N4BP2: variants seen among roughly 807,000 people sequenced by gnomAD.
N4BP2 encodes the protein NEDD4 binding protein 2.
In N4BP2, 91 loss-of-function variants were observed where a neutral mutation model predicts 152.8. That is an observed-to-expected ratio of 0.60 (90% CI 0.50 to 0.71). The LOEUF (loss-of-function observed/expected upper bound fraction) is 0.71, where lower values mean the gene tolerates loss of function less well. Among genes scored for constraint, N4BP2 ranks in the 30% least tolerant of loss-of-function variants. The pLI is 0.00. For missense variants in N4BP2, 1,923 were observed against 2,059.1 expected, an observed-to-expected ratio of 0.93 and a Z score of 1.28; for synonymous variants, 646 against 705.3, an observed-to-expected ratio of 0.92 and a Z score of 1.33.
intron 5 of N4BP2, among the ~76,000 whole-genome samples, chr4:40,111,881 G>T (rs1277085470): frequency 6.6e-6 from 1 of 152,222 alleles, no homozygotes; most frequent in Non-Finnish European, 1.5e-5. Context: ...TTCCCAAAGT[G>T]CTGGGATTAT....
the N4BP2 span, among the ~76,000 whole-genome samples, chr4:40,181,244 C>T: frequency 6.6e-6 from 1 of 152,204 alleles, no homozygotes; most frequent in Admixed American, 6.5e-5. Flanking sequence ...CACCATATTG[C>T]TAACCCACTG....
chr4:40,068,402 C>T (rs1239787719), intron 1 of N4BP2, among the ~76,000 whole-genome samples: 1 of 152,182 alleles, frequency 6.6e-6, no homozygotes, highest in African/African-American at 2.4e-5. Context: ...AATCCGATGT[C>T]ATGAAGCTTT....
chr4:40,066,181 A>C (rs994845470), intron 1 of N4BP2, among the ~76,000 whole-genome samples: 1 of 151,920 alleles, frequency 6.6e-6, no homozygotes, highest in Non-Finnish European at 1.5e-5. Context: ...CACCTGCCTC[A>C]GCCTCCCAGT....
chr4:40,090,897 C>A lies in N4BP2; in HGVS notation c.-114-6330C>A, dbSNP rs376323905. On this transcript the variant is annotated intron_variant, in intron 2 of 17. Transcript: ENST00000261435. Reference sequence around the variant, plus strand: ...GCAGTGAGCCAAGATCACGCCATTGCACTCCAGCCTGGGTGACAGAGCGAG... The same window carrying A: ...GCAGTGAGCCAAGATCACGCCATTGAACTCCAGCCTGGGTGACAGAGCGAG... 1.7e-3 allele frequency among the ~76,000 whole-genome samples: 244 copies of A among 143,100 alleles called. 1 individual carries two copies. Among genetic ancestry groups the A allele is most frequent in the African/African-American group, 6.1e-3 (229 of 37,790 alleles). 93.9% of individuals were successfully genotyped at this position (143,100 alleles called of 152,430 possible). A position where few individuals can be genotyped will look rare whatever the true frequency, so the allele number is the denominator to read the frequency against.
At chr4:40,141,414 G>A (rs1424833954) in intron 14 of N4BP2, among the ~76,000 whole-genome samples, 2 of 151,778 alleles carry the variant, frequency 1.3e-5, no homozygotes, top group African/African-American at 2.4e-5. Context: ...AGACGGGGTC[G>A]CGGCCGGGTA....
chr4:40,120,382 A>G lies in N4BP2; in HGVS notation c.2271A>G (p.Glu757=), dbSNP rs146598670. 29 of 1,613,854 alleles carry G rather than the reference A, an allele frequency of 1.8e-5. No individual in the cohort carries two copies. The African/African-American group carries it at 3.5e-4, about 19-fold the overall frequency. ...AATCCTCACCTGGTGAAATAGTGGA[A>G]GAAAGAGCAACAGTAACGAAAAAAG... The part of the protein sequence containing the change: ...NEKSSPGEIV[E]ERATVTKKAF... Residue 757 remains glutamate (E), a synonymous_variant, in exon 9 of 18, where the codon GAA becomes GAG. Transcript: ENST00000261435.
intron 2 of N4BP2, among the ~76,000 whole-genome samples, chr4:40,083,455 T>C (rs923860838): frequency 7.2e-5 from 11 of 152,342 alleles, no homozygotes; most frequent in South Asian, 2.1e-4. Flanking sequence ...TTGATGCATA[T>C]GTACATAAAA....
chr4:40,073,714 C>G (rs562648570), intron 2 of N4BP2, among the ~76,000 whole-genome samples, 163 bp downstream of exon 2: 87 of 152,226 alleles, frequency 5.7e-4, no homozygotes, highest in African/African-American at 2.0e-3. Context: ...TCACCTCAGC[C>G]TCCCGAGTAG....
intron 1 of N4BP2, among the ~76,000 whole-genome samples, chr4:40,060,902 G>A (rs1261282095): frequency 6.6e-6 from 1 of 152,130 alleles, no homozygotes; most frequent in Admixed American, 6.6e-5. Flanking sequence ...ATCACGCCTG[G>A]CCTGTTTTTC....
chr4:40,177,823 G>T, the N4BP2 span, among the ~76,000 whole-genome samples: 1 of 152,056 alleles, frequency 6.6e-6, no homozygotes, highest in Non-Finnish European at 1.5e-5. Flanking sequence ...CATCTCACAT[G>T]CAGGGCTCTT....
intron 5 of N4BP2, among the ~76,000 whole-genome samples, chr4:40,108,904 C>T (rs1223941216): frequency 6.6e-6 from 1 of 151,042 alleles, no homozygotes; most frequent in Non-Finnish European, 1.5e-5. Flanking sequence ...GCAATGTCTG[C>T]CTCCCGGGTT....
At position 40,121,622 on chromosome 4, in the gene N4BP2, A is replaced by G. The variant is rs1717922501; in HGVS notation, c.3511A>G (p.Asn1171Asp). ...TATTAGCCAAAGAGGAACTTTAGAGAATTCTAATTCTCCTGTGCCAGAGTT... is the reference window on the plus strand; with the variant it reads ...TATTAGCCAAAGAGGAACTTTAGAGGATTCTAATTCTCCTGTGCCAGAGTT... The part of the protein sequence containing the change: ...EIISQRGTLE[N>D]SNSPVPEFSH... The change falls in exon 9 of 18, where the codon AAT (asparagine) becomes GAT (aspartate). Residue 1171 changes from asparagine to aspartate, a missense_variant. Coordinates refer to ENST00000261435, the MANE Select transcript of N4BP2 (RefSeq NM_018177.6). 6.2e-7 allele frequency: 1 copy of G among 1,614,054 alleles called. No homozygotes were observed. Among genetic ancestry groups the G allele is most frequent in the African/African-American group, 1.3e-5 (1 of 74,930 alleles).
chr4:40,134,430 C>T (rs1436545284), intron 13 of N4BP2, among the ~76,000 whole-genome samples: 2 of 152,070 alleles, frequency 1.3e-5, no homozygotes, highest in African/African-American at 4.8e-5. Flanking sequence ...CCAGGGCCCT[C>T]ATGTTAGGTG....
At chr4:40,152,998 C>T in intron 17 of N4BP2, 95 bp downstream of exon 17, 1 of 1,253,844 alleles carries the variant, frequency 8.0e-7, no homozygotes, top group Non-Finnish European at 1.1e-6. Flanking sequence ...TTGATAATAG[C>T]AATAGCCCTA....
intron 2 of N4BP2, among the ~76,000 whole-genome samples, chr4:40,083,914 A>G (rs962112806): frequency 6.6e-6 from 1 of 152,224 alleles, no homozygotes; most frequent in African/African-American, 2.4e-5. Flanking sequence ...CCTTTGATAC[A>G]GATGGTAGTG....
rs1456199998 is a variant in N4BP2 at position 40,123,170 on chromosome 4, T to G, written c.4242T>G (p.Asn1414Lys). ...VEDCVVHIDL[N>K]LAKVIHEKWK... The stretch of plus-strand genomic sequence containing the variant: ...ATTGTGTGGTTCATATAGATCTGAA[T>G]CTGGCGAAAGTGATTCATGAGAAAT... Residue 1414 changes from asparagine (N) to lysine (K), a missense_variant, in exon 10 of 18, where the codon AAT becomes AAG. By Grantham distance (94) the Asn-to-Lys change is moderately conservative. Coordinates refer to ENST00000261435, the MANE Select transcript of N4BP2 (RefSeq NM_018177.6). The G allele has an allele frequency of 6.2e-7, 1 of 1,613,236 alleles. No individual in the cohort carries two copies. Among genetic ancestry groups the G allele is most frequent in the Non-Finnish European group, 8.5e-7 (1 of 1,179,486 alleles).
Position 40,156,276 on chromosome 4 carries a change from A to G in N4BP2, c.*2039A>G, listed in dbSNP as rs532516587. ...GCACTTCAGCTAGACTTATTTCAAT[A>G]TTATAATTATGATTAATGAAGGAGC... On this transcript the variant is annotated 3_prime_UTR_variant, in exon 18 of 18. Coordinates refer to ENST00000261435, the MANE Select transcript of N4BP2 (RefSeq NM_018177.6). 3.3e-5 allele frequency: 5 copies of G among 152,288 alleles called. No homozygotes were observed. Among genetic ancestry groups the G allele is most frequent in the African/African-American group, 1.2e-4 (5 of 41,582 alleles). The allele number at this position is 152,288 out of a possible 1,614,324, so 9.4% of individuals were successfully genotyped here.
At chr4:40,123,256 T>C in intron 10 of N4BP2, 44 bp downstream of exon 10, 1 of 1,319,982 alleles carries the variant, frequency 7.6e-7, no homozygotes, top group Admixed American at 1.8e-5. Context: ...TTTGTCCATT[T>C]TGAACCTTTG....
At chr4:40,107,343 T>A (rs1382382263) in intron 5 of N4BP2, among the ~76,000 whole-genome samples, 1 of 152,082 alleles carries the variant, frequency 6.6e-6, no homozygotes. Context: ...CCCAAAGTGC[T>A]GAGTTTGCAG....
Sources: allele counts gnomAD v4.1 joint callset (sites outside exome capture counted in the v4.1 genomes callset), GRCh38; gene constraint gnomAD v4.1.1; transcripts MANE v1.5; gene names NCBI Gene and HGNC (gene_info 2026-07-23, HGNC 2026-07-21).